LPP: variants seen among roughly 807,000 people sequenced by gnomAD.
LPP encodes LIM domain containing preferred translocation partner in lipoma.
A neutral mutation model predicts 60.4 loss-of-function variants in LPP; 38 were observed. The observed-to-expected ratio is 0.63, with a 90% CI of 0.49 to 0.83. LPP has a LOEUF of 0.83. LPP is among the 40% of genes least tolerant of loss of function. The pLI, the probability that LPP is intolerant of heterozygous loss-of-function variation, is 0.00. For missense variants in LPP, 902 were observed against 783.6 expected, an observed-to-expected ratio of 1.15 and a Z score of -1.80; for synonymous variants, 328 against 290.8, an observed-to-expected ratio of 1.13 and a Z score of -1.30.
At position 188,874,355 on chromosome 3, in the gene LPP, G is replaced by A. The variant is rs1411431387; in HGVS notation, c.1715G>A (p.Cys572Tyr). The A allele has an allele frequency of 1.2e-6, 2 of 1,613,244 alleles. No homozygotes were observed. Among genetic ancestry groups the A allele is most frequent in the Non-Finnish European group, 1.7e-6 (2 of 1,179,512 alleles). The change falls in exon 12 of 12, where the codon TGC becomes TAC. Residue 572 changes from cysteine to tyrosine, a missense_variant. Cys to Tyr is a radical substitution (Grantham distance 194). Coordinates refer to ENST00000617246, the MANE Select transcript of LPP (RefSeq NM_001375462.1). Reference sequence around the variant, plus strand: ...CATCTGTCTTTACTGTTCTAGGATTGCGGTGGTCTCCTGTCTGAAGGAGAT... The same window carrying A: ...CATCTGTCTTTACTGTTCTAGGATTACGGTGGTCTCCTGTCTGAAGGAGAT... ...FHVHCYRCED[C>Y]GGLLSEGDNQ...
chr3:188,687,868 G>A (rs867484992), intron 7 of LPP, among the ~76,000 whole-genome samples: 33 of 148,268 alleles, frequency 2.2e-4, no homozygotes, highest in Non-Finnish European at 3.6e-4. Flanking sequence ...TCCACCTCCC[G>A]GGTTCATGCC....
At chr3:188,762,340 C>T (rs1732648979) in intron 9 of LPP, among the ~76,000 whole-genome samples, 1 of 152,096 alleles carries the variant, frequency 6.6e-6, no homozygotes, top group Non-Finnish European at 1.5e-5. Flanking sequence ...CACACTGGGC[C>T]TCTTCAGGAA....
rs1281988656 is a variant in LPP at position 188,352,711 on chromosome 3, ACG to A, written c.-10+10993_-10+10994del. 2.8e-4 allele frequency among the ~76,000 whole-genome samples: 40 copies of A among 143,406 alleles called. No individual in the cohort carries two copies. In the South Asian group the frequency reaches 4.1e-3, roughly 15 times the overall value. 94.1% of individuals were successfully genotyped at this position (143,406 alleles called of 152,430 possible). A position where few individuals can be genotyped will look rare whatever the true frequency, so the allele number is the denominator to read the frequency against. On this transcript the variant is annotated intron_variant, in intron 3 of 11. Transcript: ENST00000617246. This position sits in a 1 kb window ranked among gnomAD's most constrained non-coding sequence, Gnocchi z 4.4. The stretch of plus-strand genomic sequence containing the variant: ...GCTTGTTGATGTTCCAGCTGCATGC[ACG>A]GCACTGAGCCCTGCCTGAGTGCGCA...
At chr3:188,174,413 C>T (rs779087555) in intron 1 of LPP, among the ~76,000 whole-genome samples, 1 of 152,216 alleles carries the variant, frequency 6.6e-6, no homozygotes, top group Non-Finnish European at 1.5e-5. Flanking sequence ...AAAGACATGG[C>T]ATAGCAAGTG....
rs189798735 is a variant in LPP, at chr3:188,637,042, G to C, written c.1113+27198G>C. Among the ~76,000 whole-genome samples, 8 of 149,412 alleles carry C rather than the reference G, an allele frequency of 5.4e-5. No individual in the cohort carries two copies. In the East Asian group the frequency reaches 9.7e-4, roughly 18 times the overall value. ...TAGACATCTGCAGAACTCTCCACCCGAAATCAACAGAATATACATTTTTTT... is the reference window on the plus strand; with the variant it reads ...TAGACATCTGCAGAACTCTCCACCCCAAATCAACAGAATATACATTTTTTT... On this transcript the variant is annotated intron_variant, in intron 7 of 11. Coordinates refer to ENST00000617246, the MANE Select transcript of LPP (RefSeq NM_001375462.1).
intron 7 of LPP, among the ~76,000 whole-genome samples, chr3:188,679,251 T>A (rs1858859085): frequency 6.6e-6 from 1 of 152,136 alleles, no homozygotes; most frequent in Non-Finnish European, 1.5e-5. Context: ...GCCTTCCTCA[T>A]GAAGTGATTA....
At chr3:188,747,434 A>G (rs998199221) in intron 8 of LPP, among the ~76,000 whole-genome samples, 11 of 152,216 alleles carry the variant, frequency 7.2e-5, no homozygotes, top group African/African-American at 2.4e-4. Context: ...TCTCACACAA[A>G]GTAAGATTCT....
chr3:188,625,058 A>G (rs1421649706), intron 7 of LPP, among the ~76,000 whole-genome samples: 1 of 152,096 alleles, frequency 6.6e-6, no homozygotes, highest in African/African-American at 2.4e-5. Flanking sequence ...CTTATTAAAG[A>G]CAGATGTCTA....
intron 2 of LPP, among the ~76,000 whole-genome samples, chr3:188,306,530 C>G (rs1377094771): frequency 1.3e-5 from 2 of 152,196 alleles, no homozygotes; most frequent in Non-Finnish European, 2.9e-5. Context: ...ACACAAAGCC[C>G]TTTATCTAGC....
chr3:188,514,003 A>G (rs1816593076), intron 5 of LPP, among the ~76,000 whole-genome samples: 1 of 152,210 alleles, frequency 6.6e-6, no homozygotes, highest in Non-Finnish European at 1.5e-5. Context: ...TTGTAGAGGT[A>G]AAAGTTGAGT....
At chr3:188,586,076 C>T (rs1418784714) in intron 6 of LPP, among the ~76,000 whole-genome samples, 1 of 152,138 alleles carries the variant, frequency 6.6e-6, no homozygotes, top group Non-Finnish European at 1.5e-5. Context: ...GATACATTAG[C>T]TTTATGGAGG....
chr3:188,536,572 A>G (rs1823698109), intron 6 of LPP, among the ~76,000 whole-genome samples: 1 of 152,268 alleles, frequency 6.6e-6, no homozygotes, highest in African/African-American at 2.4e-5. Flanking sequence ...AAATATATCT[A>G]AACTTCGGAC....
At chr3:188,428,325 C>G (rs955736783) in intron 4 of LPP, among the ~76,000 whole-genome samples, 3 of 152,172 alleles carry the variant, frequency 2.0e-5, no homozygotes, top group Non-Finnish European at 2.9e-5. Context: ...GAGTTGATCT[C>G]TCTGGGAGCT....
rs929608747 is a variant in LPP, at chr3:188,884,224, G to A, written c.*9745G>A. On this transcript the variant is annotated 3_prime_UTR_variant, in exon 12 of 12. Transcript: ENST00000617246. ...CAAGCCATTAAGTGACTTGCCAAAA[G>A]CTGTGACATAGCTGGGAAGTGGCAG... The A allele has an allele frequency of 4.4e-6, 1 of 229,602 alleles. No individual in the cohort carries two copies. Among genetic ancestry groups the A allele is most frequent in the African/African-American group, 2.2e-5 (1 of 45,104 alleles). The allele number at this position is 229,602 out of a possible 1,614,324, so 14.2% of individuals were successfully genotyped here.
At chr3:188,248,564 C>T (rs2149532039) in intron 2 of LPP, among the ~76,000 whole-genome samples, 1 of 145,942 alleles carries the variant, frequency 6.9e-6, no homozygotes, top group South Asian at 2.2e-4. Context: ...GATATTTTAC[C>T]TGTTTCTGTT....
intron 7 of LPP, among the ~76,000 whole-genome samples, chr3:188,694,893 A>T (rs947846577): frequency 2.6e-5 from 4 of 152,308 alleles, no homozygotes; most frequent in Admixed American, 2.0e-4. Flanking sequence ...TTTGTAATGT[A>T]TGTGAAATTC....
intron 8 of LPP, among the ~76,000 whole-genome samples, chr3:188,746,090 C>T (rs994248339): frequency 5.3e-5 from 8 of 152,174 alleles, no homozygotes; most frequent in African/African-American, 1.9e-4. Flanking sequence ...GACACCATCA[C>T]TCCGAGTTGT....
rs1729031332 is a variant in LPP, at chr3:188,250,776, TTCTTTCTTTCTG to T, written c.-67+25257_-67+25268del. On this transcript the variant is annotated intron_variant, in intron 2 of 11. Transcript: ENST00000617246. ...TTTCTTTCTTTCTTTCTTTCTTTCT[TTCTTTCTTTCTG>T]TCTTTCTCTTTCTTTCTTTCTCTTT... 2.4e-4 allele frequency among the ~76,000 whole-genome samples: 29 copies of T among 121,842 alleles called. 1 individual carries two copies. In the South Asian group the frequency reaches 7.0e-3, roughly 29 times the overall value. 79.9% of individuals were successfully genotyped at this position (121,842 alleles called of 152,430 possible).
At chr3:188,545,883 G>C (rs1364132902) in intron 6 of LPP, among the ~76,000 whole-genome samples, 1 of 152,098 alleles carries the variant, frequency 6.6e-6, no homozygotes, top group African/African-American at 2.4e-5. Context: ...TTTGTTGTTG[G>C]GGTTGTAGTA....
Sources: allele counts gnomAD v4.1 joint callset (sites outside exome capture counted in the v4.1 genomes callset), GRCh38; gene constraint gnomAD v4.1.1; non-coding constraint Gnocchi (gnomAD v3.1); transcripts MANE v1.5; gene names NCBI Gene and HGNC (gene_info 2026-07-23, HGNC 2026-07-21).